The following ANKRD30B variants were observed in gnomAD, a reference collection of about 807,000 sequenced individuals.
ANKRD30B encodes the protein ankyrin repeat domain-containing protein 30B.
ANKRD30B carries 144 observed loss-of-function variants against 202.2 expected under a neutral mutation model. The observed-to-expected ratio is 0.71, with a 90% CI of 0.62 to 0.82. The LOEUF (loss-of-function observed/expected upper bound fraction) is 0.82, where lower values mean the gene tolerates loss of function less well. Ranked by LOEUF, ANKRD30B falls within the 40% of genes least tolerant of loss-of-function variation. ANKRD30B has a pLI of 0.00. For missense variants in ANKRD30B, 1,487 were observed against 1,669.1 expected (o/e 0.89, Z 1.90); for synonymous variants, 508 against 561.3 (o/e 0.91, Z 1.34).
chr18:14,772,170 G>T lies in ANKRD30B; in HGVS notation c.1271G>T (p.Arg424Leu). 1 of 1,495,794 alleles carries T rather than the reference G, an allele frequency of 6.7e-7. No individual in the cohort carries two copies. The highest frequency in any genetic ancestry group is 9.0e-7 in the Non-Finnish European group (1 of 1,114,164). The allele number at this position is 1,495,794 out of a possible 1,614,324, so 92.7% of individuals were successfully genotyped here. The change falls in exon 9 of 44, where the codon CGG (arginine) becomes CTG (leucine). Residue 424 changes from arginine to leucine, a missense_variant. Arg to Leu is a moderately radical substitution (Grantham distance 102). Transcript: ENST00000690538. ...TTTCTTTAAAGTCTTTTTGGCACAC[G>T]GACTATTGAAAATTCACAGTGTACA... ...VEPIFSLFGT[R>L]TIENSQCTKV...
Position 14,763,987 on chromosome 18 carries a change from C to T in ANKRD30B, c.1122C>T (p.Cys374=), listed in dbSNP as rs535080976. Residue 374 remains cysteine (C), a synonymous_variant, in exon 7 of 44, where the codon TGC becomes TGT. Transcript: ENST00000690538. ...AAGAAACATCTGTAAAGACTGAATG[C>T]GTGGCAGGAGTAACACCTAATAAAA... ...EEKETSVKTE[C]VAGVTPNKTE... is the part of the protein sequence containing the mutation. 41 of 1,601,036 alleles carry T rather than the reference C, an allele frequency of 2.6e-5. No homozygotes were observed. The Admixed American group carries it at 3.1e-4, about 12-fold the overall frequency.
intron 30 of ANKRD30B, among the ~76,000 whole-genome samples, chr18:14,819,531 C>A (rs1197164546): frequency 2.6e-5 from 4 of 152,134 alleles, no homozygotes; most frequent in South Asian, 2.1e-4. Flanking sequence ...TCTTGAATTA[C>A]TTTTTGTATA....
chr18:14,750,794 C>T (rs2143624514), intron 1 of ANKRD30B, among the ~76,000 whole-genome samples: 1 of 152,046 alleles, frequency 6.6e-6, no homozygotes, highest in East Asian at 1.9e-4. Flanking sequence ...TTTGGTGTAC[C>T]AAGTGAGGGT....
chr18:14,879,363 A>C, the ANKRD30B span, among the ~76,000 whole-genome samples: 1 of 152,148 alleles, frequency 6.6e-6, no homozygotes, highest in South Asian at 2.1e-4. Context: ...TAATGCAGAC[A>C]TGACACCCAA....
At chr18:14,895,333 A>G in the ANKRD30B span, among the ~76,000 whole-genome samples, 1 of 152,122 alleles carries the variant, frequency 6.6e-6, no homozygotes, top group African/African-American at 2.4e-5. Context: ...ACAATGAGAT[A>G]CCTCTATACA....
Position 14,848,854 on chromosome 18 carries a change from T to C in ANKRD30B, c.3320T>C (p.Leu1107Pro), listed in dbSNP as rs752556098. The change falls in exon 40 of 44, where the codon CTG becomes CCG. Residue 1107 changes from leucine to proline, a missense_variant. By Grantham distance (98) the Leu-to-Pro change is moderately conservative. Around this residue, in one of 6 missense-constraint regions of ANKRD30B, gnomAD observed 177 missense variants for 216.4 expected, o/e 0.82. Coordinates refer to ENST00000690538, the MANE Select transcript of ANKRD30B (RefSeq NM_001367607.2). ...AAGTTTTGTGTACTACAAAAGGAAC[T>C]GTCAGAAGCGAAAGAAATAAAATCA... ...KNKFCVLQKELSEAKEIKSQL... is the reference protein window; with the variant it reads ...KNKFCVLQKEPSEAKEIKSQL... The C allele has an allele frequency of 1.2e-6, 2 of 1,601,812 alleles. No homozygotes were observed. Among genetic ancestry groups the C allele is most frequent in the South Asian group, 1.1e-5 (1 of 88,574 alleles).
intron 7 of ANKRD30B, among the ~76,000 whole-genome samples, chr18:14,767,292 C>G (rs1380858436): frequency 1.3e-5 from 2 of 151,998 alleles, no homozygotes; most frequent in African/African-American, 4.8e-5. Flanking sequence ...TTCTAAGACA[C>G]CCGGTGAATG....
chr18:14,849,966 C>T (rs1241263847), intron 40 of ANKRD30B, among the ~76,000 whole-genome samples: 3 of 151,432 alleles, frequency 2.0e-5, no homozygotes, highest in Non-Finnish European at 4.4e-5. Context: ...TTTTCCATAA[C>T]AGTTGTCAAA....
At chr18:14,773,426 A>T (rs1028099165) in intron 9 of ANKRD30B, among the ~76,000 whole-genome samples, 5 of 152,188 alleles carry the variant, frequency 3.3e-5, no homozygotes, top group Non-Finnish European at 5.9e-5. Context: ...ATGGAATATT[A>T]CAAGTGAGAT....
chr18:14,931,756 G>A, the ANKRD30B span, among the ~76,000 whole-genome samples: 2 of 152,172 alleles, frequency 1.3e-5, no homozygotes, highest in African/African-American at 4.8e-5. Flanking sequence ...CAGAATTCAC[G>A]TTCCACACCC....
At chr18:14,871,497 G>T in the ANKRD30B span, among the ~76,000 whole-genome samples, 1 of 151,232 alleles carries the variant, frequency 6.6e-6, no homozygotes, top group Non-Finnish European at 1.5e-5. Flanking sequence ...TTGCCCCTGG[G>T]TTAGTCCACC....
Position 14,755,929 on chromosome 18 carries a change from T to C in ANKRD30B, c.617+924T>C, listed in dbSNP as rs894604262. On this transcript the variant is annotated intron_variant, in intron 4 of 43. Coordinates refer to ENST00000690538, the MANE Select transcript of ANKRD30B (RefSeq NM_001367607.2). Reference sequence around the variant, plus strand: ...TTTGGGTATATACCCAGTAATGGGATGGCTGGGTCAAATGGTATTTCTAGT... The same window carrying C: ...TTTGGGTATATACCCAGTAATGGGACGGCTGGGTCAAATGGTATTTCTAGT... Among the ~76,000 whole-genome samples, 424 of 152,328 alleles carry C rather than the reference T, an allele frequency of 2.8e-3. 2 individuals carry two copies. Among genetic ancestry groups the C allele is most frequent in the Non-Finnish European group, 4.5e-3 (306 of 68,034 alleles).
intron 9 of ANKRD30B, among the ~76,000 whole-genome samples, chr18:14,777,299 TA>T (rs1967417783): frequency 2.9e-5 from 2 of 69,334 alleles, no homozygotes; most frequent in Admixed American, 1.6e-4. Context: ...AAGTTTTAAT[TA>T]TTTTTTTTTC....
intron 24 of ANKRD30B, among the ~76,000 whole-genome samples, chr18:14,807,306 T>C (rs1969583544): frequency 6.6e-6 from 1 of 150,968 alleles, no homozygotes; most frequent in Non-Finnish European, 1.5e-5. Flanking sequence ...GTTTTTTTCT[T>C]GAAGCTAAGC....
chr18:14,816,136 TG>T (rs1009461503), intron 30 of ANKRD30B: 1 of 152,204 alleles, frequency 6.6e-6, no homozygotes, highest in African/African-American at 2.4e-5. Context: ...TAAAGACACA[TG>T]GTATAGCATT....
downstream of ANKRD30B, among the ~76,000 whole-genome samples, chr18:14,855,399 C>T (rs1025087384): frequency 1.4e-4 from 21 of 152,240 alleles, no homozygotes; most frequent in African/African-American, 1.4e-4. Flanking sequence ...CATCATGGTC[C>T]GTTCCCGATG....
intron 42 of ANKRD30B, 137 bp downstream of exon 42, chr18:14,852,557 T>A: frequency 8.7e-7 from 1 of 1,146,240 alleles, no homozygotes; most frequent in South Asian, 3.0e-5. Flanking sequence ...GAAACATGCC[T>A]CATTTCCACC....
intron 32 of ANKRD30B, among the ~76,000 whole-genome samples, chr18:14,824,110 C>CTT (rs71176078): frequency 1.0e-4 from 15 of 150,500 alleles, no homozygotes; most frequent in South Asian, 2.1e-4. Context: ...TTGGAACTTC[C>CTT]TTTTTTTTTA....
chr18:14,935,379 CAGA>C, the ANKRD30B span, among the ~76,000 whole-genome samples: 1 of 152,192 alleles, frequency 6.6e-6, no homozygotes, highest in Non-Finnish European at 1.5e-5. Flanking sequence ...GCTGCTCCTC[CAGA>C]AGGTCGCCTG....
Sources: gnomAD v4.1 joint callset for allele counts (sites outside exome capture counted in the v4.1 genomes callset) on GRCh38, gnomAD v4.1.1 for gene constraint, gnomAD v4.1.1 regional missense constraint, MANE v1.5 for transcripts, NCBI Gene and HGNC (gene_info 2026-07-23, HGNC 2026-07-21) for gene names.